C2: variants seen among roughly 807,000 people sequenced by gnomAD.
The protein encoded by C2 is complement C2.
Under a neutral mutation model 85.2 loss-of-function variants are expected in C2, and 64 were observed. The observed-to-expected ratio is 0.75, with a 90% CI of 0.61 to 0.92. C2 has a LOEUF of 0.92. Among genes scored for constraint, C2 ranks in the 40% least tolerant of loss-of-function variants. The pLI is 0.00. For missense variants in C2, 820 were observed against 971.6 expected (o/e 0.84, Z 2.07); for synonymous variants, 311 against 370.8 (o/e 0.84, Z 1.85).
At chr6:31,899,157 AAT>A (rs574571950), upstream of C2, among the ~76,000 whole-genome samples, 488 of 150,404 alleles carry the variant, frequency 3.2e-3, 14 homozygotes, top group East Asian at 0.038. Context: ...AATCCTAAAA[AAT>A]ATGTTTTTTC....
At chr6:31,933,566 T>C (rs1308940890) in intron 3 of C2, 44 bp from the exon 4 acceptor site, 16 of 1,608,254 alleles carry the variant, frequency 9.9e-6, no homozygotes, top group African/African-American at 1.3e-5. Context: ...CAGAGCCTGA[T>C]GGGAGGGGGC....
At chr6:31,930,731 T>C (rs1454425265) in intron 3 of C2, among the ~76,000 whole-genome samples, 2 of 152,214 alleles carry the variant, frequency 1.3e-5, no homozygotes, top group African/African-American at 4.8e-5. Flanking sequence ...TCCCCACTCA[T>C]GCCCTTGGGT....
At chr6:31,913,938 C>CT (rs147277810) in intron 1 of C2, among the ~76,000 whole-genome samples, 41,840 of 147,218 alleles carry the variant, frequency 0.28, 7,408 homozygotes, top group Admixed American at 0.44. Context: ...GTGCCTGGCC[C>CT]TTTTTTTTTT....
rs201336507 is a variant in C2, at chr6:31,927,989, C to G, written c.81C>G (p.Asn27Lys). The G allele has an allele frequency of 5.1e-5, 83 of 1,614,054 alleles. No individual in the cohort carries two copies. Among genetic ancestry groups the G allele is most frequent in the Non-Finnish European group, 6.1e-5 (72 of 1,180,032 alleles). ...LADSAPSCPQNVNISGGTFTL... is the reference protein window; with the variant it reads ...LADSAPSCPQKVNISGGTFTL... ...ACTCGGCTCCCTCCTGCCCTCAGAA[C>G]GTGAATATCTCGGGTGGCACCTTCA... The change falls in exon 2 of 18, where the codon AAC (asparagine) becomes AAG (lysine). Residue 27 changes from asparagine to lysine, a missense_variant. By Grantham distance (94) the Asn-to-Lys change is moderately conservative. Transcript: ENST00000299367. The surrounding 1 kb of genome is among the most constrained non-coding windows in gnomAD (Gnocchi z 4.7).
At chr6:31,928,945 A>AG in intron 3 of C2, 28 bp downstream of exon 3, 2 of 1,593,770 alleles carry the variant, frequency 1.3e-6, no homozygotes, top group Non-Finnish European at 1.7e-6. Flanking sequence ...TGGGCTACAC[A>AG]GGGGGCTGGG....
chr6:31,905,843 A>C (rs1767680143), intron 1 of C2, among the ~76,000 whole-genome samples: 1 of 152,018 alleles, frequency 6.6e-6, no homozygotes, highest in South Asian at 2.1e-4. Context: ...GTTTGTGGGC[A>C]TCTCTGAGAG....
upstream of C2, among the ~76,000 whole-genome samples, chr6:31,917,970 A>G (rs1158011873): frequency 6.6e-6 from 1 of 151,920 alleles, no homozygotes; most frequent in East Asian, 1.9e-4. Flanking sequence ...GAAAAAAGAG[A>G]AATATTTTAA....
At chr6:31,900,881 C>G (rs759587367), upstream of C2, 3 of 1,613,886 alleles carry the variant, frequency 1.9e-6, no homozygotes, top group East Asian at 2.2e-5. The surrounding 1 kb of genome is among the most constrained non-coding windows in gnomAD (Gnocchi z 9.7). Flanking sequence ...GCTCACAAGG[C>G]TAGCCTCACT....
At chr6:31,924,366 C>G (rs773321388), upstream of C2, among the ~76,000 whole-genome samples, 3 of 152,162 alleles carry the variant, frequency 2.0e-5, no homozygotes, top group Non-Finnish European at 4.4e-5. Context: ...GATTGGAGAG[C>G]AGGGCCTCTT....
In C2 at chr6:31,933,649, T is replaced by C; in HGVS notation, c.482T>C (p.Val161Ala). The change falls in exon 4 of 18, where the codon GTG (valine) becomes GCG (alanine). Residue 161 changes from valine to alanine, a missense_variant. Val to Ala is a moderately conservative substitution (Grantham distance 64). Transcript: ENST00000299367. ...CPNPGISLGA[V>A]RTGFRFGHGD... The stretch of plus-strand genomic sequence containing the variant: ...AACCCAGGCATTTCACTGGGCGCAG[T>C]GCGGACAGGCTTCCGCTTTGGTCAT... The C allele has an allele frequency of 6.2e-7, 1 of 1,613,128 alleles. No homozygotes were observed. Among genetic ancestry groups the C allele is most frequent in the Non-Finnish European group, 8.5e-7 (1 of 1,180,044 alleles).
chr6:31,944,602 A>G lies in C2; in HGVS notation c.1903-125A>G, dbSNP rs1771200172. The G allele has an allele frequency of 7.6e-6, 8 of 1,056,050 alleles. No individual in the cohort carries two copies. In the East Asian group the frequency reaches 1.9e-4, roughly 25 times the overall value. 65.4% of individuals were successfully genotyped at this position (1,056,050 alleles called of 1,614,324 possible). ...CGCCATGTTGGCCAGGATGGTCTTGAACTCCTGACCTCAAGTGATCTGCCT... is the reference window on the plus strand; with the variant it reads ...CGCCATGTTGGCCAGGATGGTCTTGGACTCCTGACCTCAAGTGATCTGCCT... On this transcript the variant is annotated intron_variant, in intron 15 of 17. Coordinates refer to ENST00000299367, the MANE Select transcript of C2 (RefSeq NM_000063.6). This position sits in a 1 kb window ranked among gnomAD's most constrained non-coding sequence, Gnocchi z 5.1.
rs369131611 is a variant in C2, at chr6:31,935,897, C to A, written c.850-26C>A. 6.2e-7 allele frequency: 1 copy of A among 1,612,306 alleles called. No homozygotes were observed. The highest frequency in any genetic ancestry group is 1.1e-5 in the South Asian group (1 of 91,070). ...TCCCCTTTGGCTTCAGGGCCCTTTA[C>A]GCTGCCTCTCACTTGCCCCGCACAG... On this transcript the variant is annotated intron_variant, in intron 6 of 17. Coordinates refer to ENST00000299367, the MANE Select transcript of C2 (RefSeq NM_000063.6). This position sits in a 1 kb window ranked among gnomAD's most constrained non-coding sequence, Gnocchi z 4.3.
intron 9 of C2, among the ~76,000 whole-genome samples, chr6:31,942,183 C>T (rs1312745099): frequency 1.4e-5 from 2 of 147,480 alleles, no homozygotes; most frequent in Non-Finnish European, 3.0e-5. Context: ...TGCAATGGCG[C>T]GATCTTGGCT....
In C2 at chr6:31,901,620, G is replaced by A. The variant is rs1488791454; in HGVS notation, c.73+481G>A. Among the ~76,000 whole-genome samples the A allele has an allele frequency of 4.6e-5, 7 of 151,882 alleles. No individual in the cohort carries two copies. The East Asian group carries it at 1.4e-3, about 30-fold the overall frequency. ...GAGAAAAAGGGGGGCCAGAGGCCTG[G>A]GGCTCTGGACTCCAAGGTGGCCCCG... On this transcript the variant is annotated intron_variant, in intron 1 of 3. Coordinates refer to the C2 transcript ENST00000452202.
upstream of C2, among the ~76,000 whole-genome samples, chr6:31,927,241 T>A (rs543982809): frequency 1.3e-4 from 20 of 152,234 alleles, no homozygotes; most frequent in Non-Finnish European, 2.5e-4. The surrounding 1 kb of genome is among the most constrained non-coding windows in gnomAD (Gnocchi z 4.7). Flanking sequence ...AAGACAGAAC[T>A]GTTCTAGGCT....
chr6:31,903,524 G>A (rs1253425507), intron 1 of C2, among the ~76,000 whole-genome samples: 1 of 152,072 alleles, frequency 6.6e-6, no homozygotes, highest in Non-Finnish European at 1.5e-5. Context: ...CAGCTACTGG[G>A]GAGGCTGAGG....
upstream of C2, among the ~76,000 whole-genome samples, chr6:31,916,845 T>G (rs1582039616): frequency 4.2e-5 from 4 of 94,674 alleles, no homozygotes; most frequent in African/African-American, 4.4e-5. Context: ...CCAGCCTGGG[T>G]GACAGGGCGA....
At chr6:31,928,943 A>G in intron 3 of C2, 26 bp downstream of exon 3, 1 of 1,595,388 alleles carries the variant, frequency 6.3e-7, no homozygotes, top group Non-Finnish European at 8.6e-7. Context: ...GATGGGCTAC[A>G]CAGGGGGCTG....
In C2 at chr6:31,907,718, G is replaced by A. The variant is rs576226191; in HGVS notation, c.73+6579G>A. ...TTTTTAGACAGAGTCTTGCTCTGTCGCCAGGCTGGGGTGCAGTGGCACAAT... is the reference window on the plus strand; with the variant it reads ...TTTTTAGACAGAGTCTTGCTCTGTCACCAGGCTGGGGTGCAGTGGCACAAT... On this transcript the variant is annotated intron_variant, in intron 1 of 3. Transcript: ENST00000452202. Among the ~76,000 whole-genome samples, 9 of 150,950 alleles carry A rather than the reference G, an allele frequency of 6.0e-5. 1 individual carries two copies. The highest frequency in any genetic ancestry group is 1.2e-4 in the African/African-American group (5 of 40,888).
Sources: allele counts gnomAD v4.1 joint callset (sites outside exome capture counted in the v4.1 genomes callset), GRCh38; gene constraint gnomAD v4.1.1; non-coding constraint Gnocchi (gnomAD v3.1); transcripts MANE v1.5; gene names NCBI Gene and HGNC (gene_info 2026-07-23, HGNC 2026-07-21).